USP10: variants seen among roughly 807,000 people sequenced by gnomAD.
USP10 encodes ubiquitin carboxyl-terminal hydrolase 10.
USP10 carries 22 observed loss-of-function variants against 84.5 expected under a neutral mutation model. The observed-to-expected ratio is 0.26, with a 90% CI of 0.19 to 0.37. The LOEUF (loss-of-function observed/expected upper bound fraction) is 0.37, where lower values mean the gene tolerates loss of function less well. Ranked by LOEUF, USP10 falls within the 10% of genes least tolerant of loss-of-function variation. The probability of loss-of-function intolerance (pLI) is 1.00; values close to 1 mark genes in which losing one functional copy is unlikely to be tolerated. For synonymous variants in USP10, 454 were observed against 387.6 expected (o/e 1.17, Z -2.01); for missense variants, 1,019 against 998.9 (o/e 1.02, Z -0.27).
chr16:84,752,642 T>C (rs1330959165), intron 4 of USP10, among the ~76,000 whole-genome samples: 16 of 152,248 alleles, frequency 1.1e-4, no homozygotes, highest in Admixed American at 1.0e-3. Context: ...ACCTGACTTT[T>C]GCATGATAAC....
intron 4 of USP10, among the ~76,000 whole-genome samples, chr16:84,754,725 A>C (rs951103659): frequency 5.9e-5 from 9 of 152,244 alleles, no homozygotes; most frequent in African/African-American, 1.9e-4. Flanking sequence ...ATGCTGTCTC[A>C]CAAATAAATG....
intron 1 of USP10, among the ~76,000 whole-genome samples, chr16:84,705,452 C>G (rs867589305): frequency 6.6e-6 from 1 of 152,028 alleles, no homozygotes; most frequent in South Asian, 2.1e-4. Context: ...AGGATGGTCT[C>G]CATCTCCTGA....
chr16:84,745,733 T>G, intron 4 of USP10, 60 bp downstream of exon 4: 1 of 1,507,588 alleles, frequency 6.6e-7, no homozygotes, highest in Admixed American at 2.0e-5. Context: ...TCAACTGGGC[T>G]TATAGACTGT....
chr16:84,745,644 C>T lies in USP10; in HGVS notation c.1163C>T (p.Ser388Leu), dbSNP rs1911141046. ...VEVKEGLVPVSEDPVAIKIAE... is the reference protein window; with the variant it reads ...VEVKEGLVPVLEDPVAIKIAE... The stretch of plus-strand genomic sequence containing the variant: ...GTCAAAGAAGGGCTTGTTCCGGTTT[C>T]AGAGGATCCTGTAGCCATAAAGATT... The change falls in exon 4 of 14, where the codon TCA (serine) becomes TTA (leucine). Residue 388 changes from serine (S) to leucine (L), a missense_variant. This residue lies in a region of USP10 where 787 missense variants were observed against 708.8 expected (regional missense o/e 1.11). Coordinates refer to ENST00000219473, the MANE Select transcript of USP10 (RefSeq NM_005153.3). 2 of 1,612,400 alleles carry T rather than the reference C, an allele frequency of 1.2e-6. No individual in the cohort carries two copies. Among genetic ancestry groups the T allele is most frequent in the East Asian group, 2.2e-5 (1 of 44,866 alleles).
intron 1 of USP10, among the ~76,000 whole-genome samples, chr16:84,700,695 A>G (rs1391502869): frequency 1.3e-5 from 2 of 152,238 alleles, no homozygotes. Context: ...AAAACTCGAA[A>G]TAAGTCGCAA....
At chr16:84,740,451 C>G (rs1597343155) in intron 3 of USP10, 82 bp downstream of exon 3, 2 of 1,135,130 alleles carry the variant, frequency 1.8e-6, no homozygotes, top group Non-Finnish European at 2.6e-6. Context: ...AACATTGTTT[C>G]CCATTTGAAT....
chr16:84,754,733 A>G (rs749994263), intron 4 of USP10, among the ~76,000 whole-genome samples: 1 of 152,228 alleles, frequency 6.6e-6, no homozygotes, highest in Non-Finnish European at 1.5e-5. Flanking sequence ...TCACAAATAA[A>G]TGCTGGGAAA....
intron 1 of USP10, among the ~76,000 whole-genome samples, chr16:84,729,762 T>A (rs1175392143): frequency 1.3e-5 from 2 of 152,172 alleles, no homozygotes; most frequent in Non-Finnish European, 2.9e-5. Flanking sequence ...TTTGATGGAG[T>A]TGTTTTTTGA....
chr16:84,759,263 C>T, intron 5 of USP10, 100 bp from the exon 6 acceptor site: 1 of 1,121,882 alleles, frequency 8.9e-7, no homozygotes, highest in Middle Eastern at 2.4e-4. Flanking sequence ...ACGTCCTTAG[C>T]TTCCTTGTGT....
intron 8 of USP10, among the ~76,000 whole-genome samples, chr16:84,761,916 C>G (rs929022786): frequency 3.3e-5 from 5 of 152,268 alleles, no homozygotes; most frequent in Admixed American, 6.5e-5. Context: ...TTGCCCTTTT[C>G]TGCACACGTG....
Position 84,772,477 on chromosome 16 carries a change from G to C in USP10, c.1999-64G>C, listed in dbSNP as rs993584269. 2.1e-5 allele frequency: 34 copies of C among 1,601,292 alleles called. 1 individual carries two copies. Among genetic ancestry groups the C allele is most frequent in the African/African-American group, 1.6e-4 (12 of 74,662 alleles). ...AGAGGACGTCTTTGAGCGGAAGGTGGATGTGGTGTTAGCTGTTGCAAGTAA... is the reference window on the plus strand; with the variant it reads ...AGAGGACGTCTTTGAGCGGAAGGTGCATGTGGTGTTAGCTGTTGCAAGTAA... On this transcript the variant is annotated intron_variant, in intron 11 of 13. Coordinates refer to ENST00000219473, the MANE Select transcript of USP10 (RefSeq NM_005153.3).
chr16:84,729,084 C>T (rs1389855177), intron 1 of USP10, among the ~76,000 whole-genome samples: 1 of 152,208 alleles, frequency 6.6e-6, no homozygotes, highest in African/African-American at 2.4e-5. Context: ...AAGCGTGAGC[C>T]ACCGTGTCTG....
At chr16:84,720,152 G>A (rs2150776786) in intron 1 of USP10, among the ~76,000 whole-genome samples, 1 of 152,298 alleles carries the variant, frequency 6.6e-6, no homozygotes, top group African/African-American at 2.4e-5. Context: ...TCTGCTGACA[G>A]TGGCCAGCAA....
chr16:84,768,608 A>C (rs185880176), intron 11 of USP10, among the ~76,000 whole-genome samples: 4 of 152,290 alleles, frequency 2.6e-5, no homozygotes, highest in Admixed American at 2.0e-4. Context: ...CTTGAGCTAC[A>C]TTTAATTTTC....
At chr16:84,728,973 A>G (rs1027967162) in intron 1 of USP10, among the ~76,000 whole-genome samples, 11 of 111,270 alleles carry the variant, frequency 9.9e-5, no homozygotes, top group African/African-American at 2.0e-4. Context: ...TAATTTTTGT[A>G]TTTTTAGTGG....
At chr16:84,706,831 C>T (rs577306777) in intron 1 of USP10, among the ~76,000 whole-genome samples, 216 of 152,126 alleles carry the variant, frequency 1.4e-3, no homozygotes, top group African/African-American at 5.0e-3. Context: ...TGAGCCACCG[C>T]GCCGGGCCAA....
At chr16:84,772,855 T>C (rs1306476095) in intron 12 of USP10, among the ~76,000 whole-genome samples, 170 bp downstream of exon 12, 2 of 152,170 alleles carry the variant, frequency 1.3e-5, no homozygotes, top group Non-Finnish European at 2.9e-5. Flanking sequence ...AAAATTCTCA[T>C]GAAAATGGCC....
chr16:84,727,490 A>G (rs1908653854), intron 1 of USP10, among the ~76,000 whole-genome samples: 1 of 150,130 alleles, frequency 6.7e-6, no homozygotes, highest in African/African-American at 2.4e-5. Context: ...AAACAAACAA[A>G]AACTCTTTAT....
At chr16:84,763,270 A>G (rs1331655297) in intron 9 of USP10, among the ~76,000 whole-genome samples, 182 bp downstream of exon 9, 1 of 152,098 alleles carries the variant, frequency 6.6e-6, no homozygotes, top group Non-Finnish European at 1.5e-5. Context: ...TTTATCCCGA[A>G]CCTCTGCCAT....
Sources: gnomAD v4.1 joint callset for allele counts (sites outside exome capture counted in the v4.1 genomes callset) on GRCh38, gnomAD v4.1.1 for gene constraint, gnomAD v4.1.1 regional missense constraint, MANE v1.5 for transcripts, NCBI Gene and HGNC (gene_info 2026-07-23, HGNC 2026-07-21) for gene names.